Variants in JAM2 observed in about 807,000 individuals in gnomAD.
The protein encoded by JAM2 is junctional adhesion molecule B.
A neutral mutation model predicts 42.0 loss-of-function variants in JAM2; 17 were observed. The ratio of observed to expected loss-of-function variants is 0.40; its 90% CI spans 0.28 to 0.61. The LOEUF (loss-of-function observed/expected upper bound fraction) is 0.61, where lower values mean the gene tolerates loss of function less well. Among genes scored for constraint, JAM2 ranks in the 20% least tolerant of loss-of-function variants. JAM2 has a pLI of 0.37. For missense variants in JAM2, 319 were observed against 358.3 expected (o/e 0.89, Z 0.89); for synonymous variants, 118 against 128.6 (o/e 0.92, Z 0.56).
At chr21:25,705,371 C>CATT (rs1555872427) in intron 6 of JAM2, among the ~76,000 whole-genome samples, 2 of 152,094 alleles carry the variant, frequency 1.3e-5, no homozygotes, top group Non-Finnish European at 1.5e-5. Context: ...GCTGGGACTC[C>CATT]AGGAATGCAC....
chr21:25,641,276 A>T (rs1048935357), intron 1 of JAM2, among the ~76,000 whole-genome samples: 22 of 152,244 alleles, frequency 1.4e-4, no homozygotes, highest in Non-Finnish European at 3.2e-4. Flanking sequence ...AATAGAAAAG[A>T]GTGTGCCTTT....
At chr21:25,686,782 A>G (rs536146155) in intron 2 of JAM2, among the ~76,000 whole-genome samples, 10 of 152,366 alleles carry the variant, frequency 6.6e-5, no homozygotes, top group African/African-American at 2.4e-4. Context: ...TTTTAACTTG[A>G]GCCCTGAGAA....
At chr21:25,659,395 T>G (rs1261325436) in intron 1 of JAM2, among the ~76,000 whole-genome samples, 1 of 152,216 alleles carries the variant, frequency 6.6e-6, no homozygotes, top group African/African-American at 2.4e-5. Context: ...TGTCTGATGA[T>G]AGGACACAAG....
At position 25,693,851 on chromosome 21, in the gene JAM2, G is replaced by A; in HGVS notation, c.337G>A (p.Ala113Thr). 6.2e-7 allele frequency: 1 copy of A among 1,614,130 alleles called. No homozygotes were observed. Among genetic ancestry groups the A allele is most frequent in the Non-Finnish European group, 8.5e-7 (1 of 1,179,978 alleles). ...GGGGAAATATCGTTGTGAAGTTAGTGCCCCATCTGAGCAAGGCCAAAACCT... is the reference window on the plus strand; with the variant it reads ...GGGGAAATATCGTTGTGAAGTTAGTACCCCATCTGAGCAAGGCCAAAACCT... ...DAGKYRCEVS[A>T]PSEQGQNLEE... Residue 113 changes from alanine to threonine, a missense_variant, in exon 4 of 10, where the codon GCC becomes ACC. Physicochemically the swap from Ala to Thr is moderately conservative, Grantham distance 58. Coordinates refer to ENST00000480456, the MANE Select transcript of JAM2 (RefSeq NM_021219.4).
intron 4 of JAM2, among the ~76,000 whole-genome samples, chr21:25,696,151 C>T (rs570008319): frequency 6.6e-6 from 1 of 152,146 alleles, no homozygotes; most frequent in Non-Finnish European, 1.5e-5. Flanking sequence ...CTCGGGAGGC[C>T]GAGGCTGGCA....
At chr21:25,701,372 C>T (rs1387373699) in intron 5 of JAM2, among the ~76,000 whole-genome samples, 1 of 151,668 alleles carries the variant, frequency 6.6e-6, no homozygotes, top group Non-Finnish European at 1.5e-5. Flanking sequence ...TCCCTCCAGC[C>T]CTTTCTTCTT....
At chr21:25,697,713 G>A (rs1358621633) in intron 4 of JAM2, among the ~76,000 whole-genome samples, 1 of 152,070 alleles carries the variant, frequency 6.6e-6, no homozygotes, top group Non-Finnish European at 1.5e-5. Flanking sequence ...ACTAGCCTGG[G>A]CAACATAGTG....
chr21:25,675,210 T>C (rs1014252854), intron 1 of JAM2, among the ~76,000 whole-genome samples: 1 of 151,972 alleles, frequency 6.6e-6, no homozygotes, highest in Non-Finnish European at 1.5e-5. Flanking sequence ...GCTACACACT[T>C]TTTGGCCAGG....
At chr21:25,709,713 C>A (rs144639543) in intron 8 of JAM2, 12 of 299,196 alleles carry the variant, frequency 4.0e-5, no homozygotes, top group Non-Finnish European at 6.8e-5. Flanking sequence ...GGCACCAACA[C>A]TGCTTGGCTT....
intron 4 of JAM2, among the ~76,000 whole-genome samples, chr21:25,695,753 G>A: frequency 6.7e-6 from 1 of 149,972 alleles, no homozygotes. Context: ...TTCTCAGACG[G>A]GGTGGCCGGG....
At chr21:25,658,189 T>C (rs1214978493) in intron 1 of JAM2, among the ~76,000 whole-genome samples, 1 of 151,972 alleles carries the variant, frequency 6.6e-6, no homozygotes, top group Non-Finnish European at 1.5e-5. Context: ...CCAGAAGACA[T>C]TGAAAATAGA....
Position 25,665,111 on chromosome 21 carries a change from A to AGAGG in JAM2, c.68-18770_68-18767dup, listed in dbSNP as rs970845724. 2.3e-4 allele frequency among the ~76,000 whole-genome samples: 35 copies of AGAGG among 152,310 alleles called. 1 individual carries two copies. Among genetic ancestry groups the AGAGG allele is most frequent in the African/African-American group, 8.4e-4 (35 of 41,572 alleles). On this transcript the variant is annotated intron_variant, in intron 1 of 9. Coordinates refer to ENST00000480456, the MANE Select transcript of JAM2 (RefSeq NM_021219.4). ...AACTTCCTAGAGGTGGTGAGACTTA[A>AGAGG]GAGGGGTCTTGAGGGTTGGAGAAAA...
intron 1 of JAM2, among the ~76,000 whole-genome samples, chr21:25,673,795 A>G (rs934629048): frequency 4.6e-5 from 7 of 152,182 alleles, no homozygotes; most frequent in African/African-American, 1.7e-4. Context: ...ATCTCTTGAT[A>G]TGGTTTGGCT....
chr21:25,660,778 A>ATCTTTTT (rs2033061796), intron 1 of JAM2, among the ~76,000 whole-genome samples: 1 of 60,282 alleles, frequency 1.7e-5, no homozygotes, highest in Non-Finnish European at 2.9e-5. Flanking sequence ...ATATATATAT[A>ATCTTTTT]TATATTTTTT....
chr21:25,672,718 A>C (rs1441108694), intron 1 of JAM2, among the ~76,000 whole-genome samples: 2 of 152,176 alleles, frequency 1.3e-5, no homozygotes, highest in East Asian at 3.8e-4. Flanking sequence ...ACCATGTCTC[A>C]TTAGTAAGGA....
At chr21:25,687,266 C>CA (rs5843167) in intron 2 of JAM2, among the ~76,000 whole-genome samples, 152,362 of 152,362 alleles carry the variant, frequency 1, 76,181 homozygotes, top group Non-Finnish European at 1. Flanking sequence ...TATAGTGTCT[C>CA]TTTAATCTTA....
intron 5 of JAM2, among the ~76,000 whole-genome samples, chr21:25,701,296 C>T (rs2034158588): frequency 6.6e-6 from 1 of 152,196 alleles, no homozygotes; most frequent in African/African-American, 2.4e-5. Context: ...CTTTCTCTCC[C>T]TCCATCTAGG....
intron 7 of JAM2, among the ~76,000 whole-genome samples, chr21:25,706,894 C>A (rs888359506): frequency 6.6e-6 from 1 of 152,120 alleles, no homozygotes; most frequent in African/African-American, 2.4e-5. Context: ...CTCCCGCCAC[C>A]ACGCCCGGCT....
At chr21:25,664,485 C>T (rs1826392672) in intron 1 of JAM2, among the ~76,000 whole-genome samples, 1 of 152,198 alleles carries the variant, frequency 6.6e-6, no homozygotes, top group Non-Finnish European at 1.5e-5. Context: ...CTGCCCACCT[C>T]GGCCTCCCAA....
Sources: gnomAD v4.1 joint callset for allele counts (sites outside exome capture counted in the v4.1 genomes callset) on GRCh38, gnomAD v4.1.1 for gene constraint, MANE v1.5 for transcripts, NCBI Gene and HGNC (gene_info 2026-07-23, HGNC 2026-07-21) for gene names.